TSEN2: variants seen among roughly 807,000 people sequenced by gnomAD.
The protein encoded by TSEN2 is tRNA splicing endonuclease subunit 2.
TSEN2 carries 54 observed loss-of-function variants against 59.2 expected under a neutral mutation model. The observed-to-expected ratio is 0.91, with a 90% CI of 0.73 to 1.14. The LOEUF (loss-of-function observed/expected upper bound fraction) is 1.14, where lower values mean the gene tolerates loss of function less well. Among genes scored for constraint, TSEN2 ranks in the 50% most tolerant of loss-of-function variants. The probability of loss-of-function intolerance (pLI) is 0.00; values close to 1 mark genes in which losing one functional copy is unlikely to be tolerated. For missense variants in TSEN2, 636 were observed against 576.2 expected (o/e 1.10, Z -1.06); for synonymous variants, 195 against 198.2 (o/e 0.98, Z 0.14).
chr3:12,502,229 A>G (rs1324895056), intron 4 of TSEN2, among the ~76,000 whole-genome samples: 1 of 152,200 alleles, frequency 6.6e-6, no homozygotes, highest in African/African-American at 2.4e-5. Context: ...ATCTGAAAAC[A>G]TTATGAGATC....
rs547415977 is a variant in TSEN2, at chr3:12,493,272, T to C, written c.271+1055T>C. 2.6e-5 allele frequency among the ~76,000 whole-genome samples: 4 copies of C among 152,342 alleles called. No individual in the cohort carries two copies. In the South Asian group the frequency reaches 8.3e-4, roughly 32 times the overall value. ...TGAGTCTATTTTTAGTTGTTTTGGA[T>C]ATATACCCAGGAGTAGAATTAATGG... is the stretch of plus-strand genomic sequence containing the variant. On this transcript the variant is annotated intron_variant, in intron 3 of 11. Transcript: ENST00000284995.
At chr3:12,497,918 G>T (rs905593040) in intron 4 of TSEN2, among the ~76,000 whole-genome samples, 1 of 152,152 alleles carries the variant, frequency 6.6e-6, no homozygotes, top group Non-Finnish European at 1.5e-5. Context: ...GGAAGGCTCT[G>T]GGGGAGCATC....
chr3:12,525,028 G>A (rs1400757641), intron 8 of TSEN2, among the ~76,000 whole-genome samples: 1 of 152,128 alleles, frequency 6.6e-6, no homozygotes, highest in Non-Finnish European at 1.5e-5. Context: ...ACAGACATGA[G>A]CCACCGTGCC....
At position 12,530,223 on chromosome 3, in the gene TSEN2, C is replaced by T. The variant is rs185796849; in HGVS notation, c.1248+350C>T. On this transcript the variant is annotated intron_variant, in intron 10 of 11. Transcript: ENST00000284995. ...TACTGCAATTTAACATTCACTCATACACATATTCACAAAGGAGTCAAAACA... is the reference window on the plus strand; with the variant it reads ...TACTGCAATTTAACATTCACTCATATACATATTCACAAAGGAGTCAAAACA... 8.2e-5 allele frequency: 87 copies of T among 1,058,108 alleles called. 1 individual carries two copies. In the East Asian group the frequency reaches 5.4e-3, roughly 66 times the overall value. 65.5% of individuals were successfully genotyped at this position (1,058,108 alleles called of 1,614,324 possible).
Position 12,485,475 on chromosome 3 carries a change from C to T in TSEN2, c.-18+595C>T, listed in dbSNP as rs558850974. ...CGCCCGGCCCCTCCGAGTCACTTTC[C>T]ACATCTGTACAATGGAAATAAAAAT... is the stretch of plus-strand genomic sequence containing the variant. On this transcript the variant is annotated intron_variant, in intron 1 of 11. Transcript: ENST00000284995. Among the ~76,000 whole-genome samples, 4 of 152,230 alleles carry T rather than the reference C, an allele frequency of 2.6e-5. No homozygotes were observed. The South Asian group carries it at 6.2e-4, about 24-fold the overall frequency.
At chr3:12,522,853 C>T (rs1033579566) in intron 8 of TSEN2, among the ~76,000 whole-genome samples, 9 of 152,180 alleles carry the variant, frequency 5.9e-5, no homozygotes, top group Non-Finnish European at 1.2e-4. Flanking sequence ...ACTGGGGAAG[C>T]CAGGCCAGAA....
chr3:12,492,134 A>G lies in TSEN2; in HGVS notation c.190-2A>G. The stretch of plus-strand genomic sequence containing the variant: ...TAACTTCATTTTCTCTCTTCCTGGA[A>G]GGGTTATTTTGGAAAAGGTATTCTT... On this transcript the variant is annotated splice_acceptor_variant, in intron 2 of 11. Transcript: ENST00000284995. LOFTEE classifies it high-confidence loss of function. The G allele has an allele frequency of 1.9e-6, 3 of 1,613,418 alleles. No individual in the cohort carries two copies. Among genetic ancestry groups the G allele is most frequent in the Non-Finnish European group, 2.5e-6 (3 of 1,179,354 alleles).
At chr3:12,498,280 T>C (rs1366202515) in intron 4 of TSEN2, among the ~76,000 whole-genome samples, 1 of 152,140 alleles carries the variant, frequency 6.6e-6, no homozygotes, top group Non-Finnish European at 1.5e-5. Flanking sequence ...TGTCCTACTA[T>C]TCCTTAGTCA....
At position 12,520,517 on chromosome 3, in the gene TSEN2, C is replaced by T. The variant is rs182859223; in HGVS notation, c.1099+1320C>T. Among the ~76,000 whole-genome samples, 66 of 152,080 alleles carry T rather than the reference C, an allele frequency of 4.3e-4. 1 individual carries two copies. Among genetic ancestry groups the T allele is most frequent in the African/African-American group, 9.2e-4 (38 of 41,488 alleles). Reference sequence around the variant, plus strand: ...TTAACTTTAAATTTAGGGCCAGGTGCGGTGGCTCACGCCTGTAATCCCAGC... The same window carrying T: ...TTAACTTTAAATTTAGGGCCAGGTGTGGTGGCTCACGCCTGTAATCCCAGC... On this transcript the variant is annotated intron_variant, in intron 8 of 11. Coordinates refer to ENST00000284995, the MANE Select transcript of TSEN2 (RefSeq NM_025265.4).
chr3:12,490,363 T>C (rs1308705192), intron 2 of TSEN2, among the ~76,000 whole-genome samples: 1 of 152,200 alleles, frequency 6.6e-6, no homozygotes, highest in African/African-American at 2.4e-5. Context: ...TCCCATCCCG[T>C]TCCCAGAGGT....
chr3:12,515,215 A>G (rs1387495424), intron 6 of TSEN2, among the ~76,000 whole-genome samples: 6 of 152,036 alleles, frequency 3.9e-5, no homozygotes. Flanking sequence ...CCTTCCACCT[A>G]TATTACTTGT....
intron 10 of TSEN2, chr3:12,530,704 A>G (rs1246565986): frequency 1.0e-6 from 1 of 985,230 alleles, no homozygotes. Flanking sequence ...AAAATTAGGG[A>G]GCCTATACTG....
chr3:12,510,618 C>G (rs898260114), intron 6 of TSEN2, among the ~76,000 whole-genome samples: 1 of 152,190 alleles, frequency 6.6e-6, no homozygotes, highest in Admixed American at 6.5e-5. Context: ...GTGCCCGGCT[C>G]TTCCATTTTG....
chr3:12,535,339 T>C (rs924344738), downstream of TSEN2, among the ~76,000 whole-genome samples: 5 of 152,158 alleles, frequency 3.3e-5, no homozygotes, highest in African/African-American at 1.2e-4. Context: ...ACTGGAAAAT[T>C]TGAGTCTATC....
rs141250954 is a variant in TSEN2, at chr3:12,530,039, G to A, written c.1248+166G>A. ...GTCATTCGTACCCTTCCCTTATTGC[G>A]CTAGAAGTTGTCCTCCCCTCATGTT... is the stretch of plus-strand genomic sequence containing the variant. On this transcript the variant is annotated intron_variant, in intron 10 of 11. Coordinates refer to ENST00000284995, the MANE Select transcript of TSEN2 (RefSeq NM_025265.4). 1,016 of 1,446,094 alleles carry A rather than the reference G, an allele frequency of 7.0e-4. 6 individuals carry two copies. The African/African-American group carries it at 0.012, about 17-fold the overall frequency. 89.6% of individuals were successfully genotyped at this position (1,446,094 alleles called of 1,614,324 possible).
At chr3:12,493,883 A>G (rs1018373025) in intron 3 of TSEN2, among the ~76,000 whole-genome samples, 1 of 152,210 alleles carries the variant, frequency 6.6e-6, no homozygotes, top group East Asian at 1.9e-4. Context: ...TTTGGTATCT[A>G]TTTAAGAAAC....
chr3:12,494,947 G>A (rs2053594149), intron 3 of TSEN2, among the ~76,000 whole-genome samples: 1 of 150,496 alleles, frequency 6.6e-6, no homozygotes, highest in South Asian at 2.1e-4. Context: ...CCAACATGGC[G>A]AAATCCTGTC....
chr3:12,520,342 T>G (rs879927899), intron 8 of TSEN2, among the ~76,000 whole-genome samples: 1 of 152,166 alleles, frequency 6.6e-6, no homozygotes, highest in South Asian at 2.1e-4. Flanking sequence ...TTAGAAAAAG[T>G]AGGTCATTGC....
chr3:12,512,511 A>G (rs1049774276), intron 6 of TSEN2, among the ~76,000 whole-genome samples: 1 of 152,226 alleles, frequency 6.6e-6, no homozygotes, highest in Non-Finnish European at 1.5e-5. Context: ...TAGCAGATAC[A>G]TACTCTGTCT....
Sources: allele counts gnomAD v4.1 joint callset (sites outside exome capture counted in the v4.1 genomes callset), GRCh38; gene constraint gnomAD v4.1.1; transcripts MANE v1.5; gene names NCBI Gene and HGNC (gene_info 2026-07-23, HGNC 2026-07-21).